Variants in GRID2 observed in about 807,000 individuals in gnomAD.
The protein encoded by GRID2 is glutamate ionotropic receptor delta type subunit 2.
A neutral mutation model predicts 114.8 loss-of-function variants in GRID2; 33 were observed. The observed-to-expected ratio is 0.29, with a 90% CI of 0.22 to 0.38. The LOEUF is 0.38. Ranked by LOEUF, GRID2 falls within the 10% of genes least tolerant of loss-of-function variation. The pLI is 1.00. For synonymous variants in GRID2, 505 were observed against 449.9 expected, an observed-to-expected ratio of 1.12 and a Z score of -1.55; for missense variants, 1,184 against 1,257.7, an observed-to-expected ratio of 0.94 and a Z score of 0.89.
chr4:93,645,721 A>C (rs956154965), intron 14 of GRID2, among the ~76,000 whole-genome samples: 1 of 152,264 alleles, frequency 6.6e-6, no homozygotes, highest in Non-Finnish European at 1.5e-5. Context: ...TAAGGCTTCT[A>C]TAGAAAATTC....
intron 1 of GRID2, among the ~76,000 whole-genome samples, chr4:92,534,053 T>G (rs1725485305): frequency 6.6e-6 from 1 of 152,126 alleles, no homozygotes; most frequent in African/African-American, 2.4e-5. Flanking sequence ...TAGTGTTGTG[T>G]GGATGTATCC....
intron 1 of GRID2, among the ~76,000 whole-genome samples, chr4:92,548,614 G>C (rs1449670607): frequency 6.6e-6 from 1 of 151,318 alleles, no homozygotes; most frequent in Non-Finnish European, 1.5e-5. Context: ...GGCTGGTCTC[G>C]AACTCCTGAC....
intron 2 of GRID2, among the ~76,000 whole-genome samples, chr4:92,946,453 G>A (rs1026285274): frequency 6.6e-6 from 1 of 151,750 alleles, no homozygotes; most frequent in African/African-American, 2.4e-5. Flanking sequence ...ACTTTCTTCT[G>A]AAGTAGCTTA....
chr4:92,795,513 T>A (rs142368192), intron 2 of GRID2, among the ~76,000 whole-genome samples: 87 of 152,086 alleles, frequency 5.7e-4, no homozygotes, highest in Non-Finnish European at 1.1e-3. Flanking sequence ...GAAAATGGAC[T>A]AATGGAGAGA....
chr4:92,967,423 A>G (rs1362155084), intron 2 of GRID2, among the ~76,000 whole-genome samples: 2 of 152,022 alleles, frequency 1.3e-5, no homozygotes, highest in African/African-American at 4.8e-5. Flanking sequence ...TATTTAGTCT[A>G]TAGGAAAATT....
chr4:92,466,303 G>T (rs1184032652), intron 1 of GRID2, among the ~76,000 whole-genome samples: 1 of 151,812 alleles, frequency 6.6e-6, no homozygotes, highest in East Asian at 1.9e-4. Flanking sequence ...TCCCACAGTG[G>T]TAGATTTTCA....
Position 93,672,448 on chromosome 4 carries a change from C to T in GRID2, c.2360+46013C>T, listed in dbSNP as rs139931200. Among the ~76,000 whole-genome samples, 1,283 of 152,290 alleles carry T rather than the reference C, an allele frequency of 8.4e-3. 15 individuals carry two copies. Among genetic ancestry groups the T allele is most frequent in the African/African-American group, 0.029 (1,200 of 41,552 alleles). ...GAAAGAAAAGGATATCATGCAGCTA[C>T]AATTCAAAAATGTATTTTACTTTAA... On this transcript the variant is annotated intron_variant, in intron 14 of 15. Coordinates refer to ENST00000282020, the MANE Select transcript of GRID2 (RefSeq NM_001510.4).
intron 8 of GRID2, among the ~76,000 whole-genome samples, chr4:93,328,592 A>G (rs540091441): frequency 6.6e-6 from 1 of 152,190 alleles, no homozygotes; most frequent in South Asian, 2.1e-4. Context: ...CTTTTGTATT[A>G]TCTACATTTT....
intron 13 of GRID2, among the ~76,000 whole-genome samples, chr4:93,594,916 G>T (rs563380117): frequency 1.3e-5 from 2 of 152,312 alleles, no homozygotes; most frequent in African/African-American, 4.8e-5. Context: ...TTCGGCTCAT[G>T]CACGGTGCAC....
intron 1 of GRID2, among the ~76,000 whole-genome samples, chr4:93,785,679 A>G (rs377598228): frequency 2.3e-4 from 35 of 152,340 alleles, no homozygotes; most frequent in Middle Eastern, 6.8e-3. Context: ...AAGACTTTAA[A>G]GCGGTGACCT....
chr4:92,389,594 T>G (rs956400559), intron 1 of GRID2, among the ~76,000 whole-genome samples: 2 of 152,120 alleles, frequency 1.3e-5, no homozygotes. Context: ...GCTACAATCT[T>G]TATCACTGGA....
rs1578172133 is a variant in GRID2, at chr4:93,517,252, G to A, written c.2193+1841G>A. Reference sequence around the variant, plus strand: ...ATATGTGAGGGATTTGTAATTTAAAGCTTTATTGTTTAATATTTCCTAATC... The same window carrying A: ...ATATGTGAGGGATTTGTAATTTAAAACTTTATTGTTTAATATTTCCTAATC... On this transcript the variant is annotated intron_variant, in intron 13 of 15. Coordinates refer to ENST00000282020, the MANE Select transcript of GRID2 (RefSeq NM_001510.4). Among the ~76,000 whole-genome samples the A allele has an allele frequency of 2.6e-5, 4 of 151,926 alleles. No homozygotes were observed. In the East Asian group the frequency reaches 7.7e-4, roughly 29 times the overall value.
intron 2 of GRID2, among the ~76,000 whole-genome samples, chr4:92,936,137 A>C (rs1186953561): frequency 6.8e-6 from 1 of 146,920 alleles, no homozygotes; most frequent in Non-Finnish European, 1.5e-5. Flanking sequence ...ATTATAAAGT[A>C]TATTTTGTTA....
chr4:93,614,210 C>G (rs1199438783), intron 13 of GRID2, among the ~76,000 whole-genome samples: 1 of 152,370 alleles, frequency 6.6e-6, no homozygotes, highest in African/African-American at 2.4e-5. Flanking sequence ...CGCCCACTGT[C>G]TGGCACTCCC....
chr4:93,600,399 TAAAC>T (rs767590733), intron 13 of GRID2, among the ~76,000 whole-genome samples: 10 of 151,530 alleles, frequency 6.6e-5, no homozygotes, highest in Non-Finnish European at 1.2e-4. Flanking sequence ...TAATAAAAAA[TAAAC>T]AAAAGATTGG....
chr4:93,763,123 G>T (rs1239310341), intron 14 of GRID2, among the ~76,000 whole-genome samples: 1 of 152,042 alleles, frequency 6.6e-6, no homozygotes, highest in Admixed American at 6.6e-5. Context: ...CTGCCAAAGC[G>T]AATTCAAGGA....
At chr4:93,598,427 G>T (rs1739330686) in intron 13 of GRID2, among the ~76,000 whole-genome samples, 2 of 151,052 alleles carry the variant, frequency 1.3e-5, no homozygotes, top group African/African-American at 4.9e-5. Context: ...TTTTTTTACT[G>T]TGCTAAGCAC....
chr4:93,783,205 T>C (rs112239496), intron 1 of GRID2, among the ~76,000 whole-genome samples: 142 of 152,366 alleles, frequency 9.3e-4, no homozygotes, highest in African/African-American at 3.3e-3. Context: ...TGCTAGGCAC[T>C]ATGTAGGTGT....
At chr4:92,588,769 C>A (rs1369804063) in intron 1 of GRID2, among the ~76,000 whole-genome samples, 1 of 151,572 alleles carries the variant, frequency 6.6e-6, no homozygotes, top group Non-Finnish European at 1.5e-5. Flanking sequence ...GGAAACAAGG[C>A]TATGGCTTGA....
Sources: gnomAD v4.1 joint callset for allele counts (sites outside exome capture counted in the v4.1 genomes callset) on GRCh38, gnomAD v4.1.1 for gene constraint, MANE v1.5 for transcripts, NCBI Gene and HGNC (gene_info 2026-07-23, HGNC 2026-07-21) for gene names.